COL16A1: variants seen among roughly 807,000 people sequenced by gnomAD.
COL16A1 encodes collagen alpha-1(XVI) chain.
Under a neutral mutation model 266.3 loss-of-function variants are expected in COL16A1, and 189 were observed. That is an observed-to-expected ratio of 0.71 (90% confidence interval 0.63 to 0.80). The LOEUF (loss-of-function observed/expected upper bound fraction) is 0.80, where lower values mean the gene tolerates loss of function less well. Ranked by LOEUF, COL16A1 falls within the 30% of genes least tolerant of loss-of-function variation. The pLI is 0.00. For missense variants in COL16A1, 1,928 were observed against 2,122.4 expected, an observed-to-expected ratio of 0.91 and a Z score of 1.80; for synonymous variants, 740 against 782.3, an observed-to-expected ratio of 0.95 and a Z score of 0.90.
chr1:31,680,441 G>A (rs1294147617), intron 39 of COL16A1, among the ~76,000 whole-genome samples: 1 of 152,088 alleles, frequency 6.6e-6, no homozygotes, highest in African/African-American at 2.4e-5. Context: ...AGGTAATCTC[G>A]CTTTCAGTAC....
intron 34 of COL16A1, 130 bp from the exon 35 acceptor site, chr1:31,683,499 G>A: frequency 6.3e-7 from 1 of 1,583,964 alleles, no homozygotes; most frequent in Non-Finnish European, 8.6e-7. Context: ...TCCCCAAGGA[G>A]ACCCTGAGGG....
At chr1:31,678,890 A>T (rs995849272) in intron 42 of COL16A1, among the ~76,000 whole-genome samples, 4 of 152,172 alleles carry the variant, frequency 2.6e-5, no homozygotes, top group Non-Finnish European at 5.9e-5. Context: ...TCACAGTGTC[A>T]CACAGATCTT....
At chr1:31,703,547 C>T (rs1376958216) in intron 1 of COL16A1, among the ~76,000 whole-genome samples, 1 of 152,176 alleles carries the variant, frequency 6.6e-6, no homozygotes, top group Non-Finnish European at 1.5e-5. Context: ...GTGATCCTGT[C>T]CCCTTCCGGC....
chr1:31,662,674 G>GGGCCCC lies in COL16A1; in HGVS notation c.3556-17_3556-16insGGGGCC. 1.3e-5 allele frequency: 16 copies of GGGCCCC among 1,263,584 alleles called. No individual in the cohort carries two copies. The highest frequency in any genetic ancestry group is 8.7e-5 in the East Asian group (3 of 34,344). 78.3% of individuals were successfully genotyped at this position (1,263,584 alleles called of 1,614,324 possible). ...CTTCGCTGCCCTGGAAACCAGCGCCGCCCCCCCCCCCCGCCCCACAATAAA... is the reference window on the plus strand; with the variant it reads ...CTTCGCTGCCCTGGAAACCAGCGCCGGGCCCCCCCCCCCCCCCCGCCCCACAATAAA... On this transcript the variant is annotated splice_polypyrimidine_tract_variant and intron_variant, in intron 56 of 70. Transcript: ENST00000373672.
chr1:31,652,885 A>G lies in COL16A1; in HGVS notation c.4613-32T>C. ...AGGGAAGGGCCACAGAGGGAAAATC[A>G]GAAGACCCAGATCATAAGGGAAAAG... is the stretch of plus-strand genomic sequence containing the variant. On this transcript the variant is annotated intron_variant, in intron 70 of 70. Coordinates refer to ENST00000373672, the MANE Select transcript of COL16A1 (RefSeq NM_001856.4). This position sits in a 1 kb window ranked among gnomAD's most constrained non-coding sequence, Gnocchi z 4.8. The G allele has an allele frequency of 6.9e-7, 1 of 1,454,416 alleles. No individual in the cohort carries two copies. Among genetic ancestry groups the G allele is most frequent in the Non-Finnish European group, 9.1e-7 (1 of 1,102,146 alleles). The allele number at this position is 1,454,416 out of a possible 1,614,324, so 90.1% of individuals were successfully genotyped here. A position where few individuals can be genotyped will look rare whatever the true frequency, so the allele number is the denominator to read the frequency against.
chr1:31,698,821 C>T lies in COL16A1; in HGVS notation c.267-215G>A, dbSNP rs971264747. Reference sequence around the variant, plus strand: ...GAATAACAGTGGTGAAGGCTGGGTGCGGTGGCTCATGCCTGTAATCCCAGC... The same window carrying T: ...GAATAACAGTGGTGAAGGCTGGGTGTGGTGGCTCATGCCTGTAATCCCAGC... On this transcript the variant is annotated intron_variant, in intron 4 of 70. Transcript: ENST00000373672. This position sits in a 1 kb window ranked among gnomAD's most constrained non-coding sequence, Gnocchi z 4.1. Among the ~76,000 whole-genome samples the T allele has an allele frequency of 6.6e-6, 1 of 152,126 alleles. No individual in the cohort carries two copies. The highest frequency in any genetic ancestry group is 6.5e-5 in the Admixed American group (1 of 15,270).
chr1:31,656,468 G>A lies in COL16A1; in HGVS notation c.4057-24C>T. 1 of 1,610,412 alleles carries A rather than the reference G, an allele frequency of 6.2e-7. No homozygotes were observed. The highest frequency in any genetic ancestry group is 8.5e-7 in the Non-Finnish European group (1 of 1,178,666). On this transcript the variant is annotated intron_variant, in intron 65 of 70. Coordinates refer to ENST00000373672, the MANE Select transcript of COL16A1 (RefSeq NM_001856.4). This position sits in a 1 kb window ranked among gnomAD's most constrained non-coding sequence, Gnocchi z 4.2. ...CCCTAGAGGAAAGCAAAAGTCAGAG[G>A]TGAAGTCCGGGCAGCATCTCTGAGG... is the stretch of plus-strand genomic sequence containing the variant.
rs1281893323 is a variant in COL16A1 at position 31,690,518 on chromosome 1, G to A, written c.1482+11C>T. On this transcript the variant is annotated intron_variant, in intron 21 of 70. Transcript: ENST00000373672. Reference sequence around the variant, plus strand: ...GAGCCGACCCTCCCCCGCTGGATTGGTGTCACTCACAGGTTTCCCACCAGG... The same window carrying A: ...GAGCCGACCCTCCCCCGCTGGATTGATGTCACTCACAGGTTTCCCACCAGG... 8.7e-6 allele frequency: 14 copies of A among 1,613,884 alleles called. No individual in the cohort carries two copies. The highest frequency in any genetic ancestry group is 1.2e-5 in the Non-Finnish European group (14 of 1,179,932).
Position 31,655,197 on chromosome 1 carries a change from A to G in COL16A1, c.4290+117T>C, listed in dbSNP as rs373154279. 17 of 1,470,510 alleles carry G rather than the reference A, an allele frequency of 1.2e-5. No homozygotes were observed. In the East Asian group the frequency reaches 3.1e-4, roughly 27 times the overall value. 91.1% of individuals were successfully genotyped at this position (1,470,510 alleles called of 1,614,324 possible). ...CGCACACAGTTAAGAGCTGCCCTCTATGGGAGCCAGGCTCTTTCCCACAGA... is the reference window on the plus strand; with the variant it reads ...CGCACACAGTTAAGAGCTGCCCTCTGTGGGAGCCAGGCTCTTTCCCACAGA... On this transcript the variant is annotated intron_variant, in intron 67 of 70. Transcript: ENST00000373672.
intron 13 of COL16A1, 85 bp downstream of exon 13, chr1:31,693,007 G>T: frequency 9.7e-7 from 1 of 1,025,864 alleles, no homozygotes; most frequent in Non-Finnish European, 1.5e-6. Flanking sequence ...TTTCTGCCGG[G>T]ATGATGGGAT....
At position 31,674,717 on chromosome 1, in the gene COL16A1, G is replaced by A. The variant is rs117201983; in HGVS notation, c.2859+290C>T. The stretch of plus-strand genomic sequence containing the variant: ...CGCAGGGTGACCCGGGTGCTACGGG[G>A]TCTCATTGCCAGCTGCTGCGGGCAG... On this transcript the variant is annotated intron_variant, in intron 44 of 70. Transcript: ENST00000373672. Among the ~76,000 whole-genome samples the A allele has an allele frequency of 2.5e-3, 375 of 152,312 alleles. 9 individuals carry two copies. In the East Asian group the frequency reaches 0.063, roughly 26 times the overall value.
rs1484301225 is a variant in COL16A1 at position 31,695,782 on chromosome 1, A to G, written c.924T>C (p.His308=). ...TTACCTCATCGGCTGCTGTCTCCTG[A>G]TGGACCTGAGGAAAGGGTGGGGGGT... ...SQKAERGAKV[H]QETAADECPP... is the part of the protein sequence containing the mutation. The change falls in exon 10 of 71, where the codon CAT becomes CAC. Residue 308 remains histidine, a synonymous_variant. Transcript: ENST00000373672. 28 of 1,610,242 alleles carry G rather than the reference A, an allele frequency of 1.7e-5. No homozygotes were observed. The highest frequency in any genetic ancestry group is 2.2e-5 in the Non-Finnish European group (26 of 1,177,000).
rs1209818020 is a variant in COL16A1 at position 31,665,606 on chromosome 1, G to A, written c.3469C>T (p.Gln1157Ter). 6.2e-7 allele frequency: 1 copy of A among 1,613,830 alleles called. No individual in the cohort carries two copies. The highest frequency in any genetic ancestry group is 1.3e-5 in the African/African-American group (1 of 74,882). Reference sequence around the variant, plus strand: ...ACCGGTGGGCCCGGAAAGCCTGGCTGGCCTTGAAATCCCTAGGGTGAGAAG... The same window carrying A: ...ACCGGTGGGCCCGGAAAGCCTGGCTAGCCTTGAAATCCCTAGGGTGAGAAG... ...GEKGDQGFQG[Q>*]PGFPGPPGPP... is the part of the protein sequence containing the mutation. Residue 1157 changes from glutamine (Q) to a stop codon, truncating the protein, a stop_gained, in exon 55 of 71, where the codon CAG becomes TAG. Transcript: ENST00000373672. LOFTEE classifies it high-confidence loss of function.
At chr1:31,658,805 G>A (rs1254806959) in intron 63 of COL16A1, 109 bp downstream of exon 63, 1 of 1,324,268 alleles carries the variant, frequency 7.6e-7, no homozygotes, top group Admixed American at 2.0e-5. Context: ...CAGGGAAGGA[G>A]GGGATGAGAC....
At chr1:31,702,253 C>T (rs957638822) in intron 1 of COL16A1, 26 bp from the exon 2 acceptor site, 23 of 1,610,402 alleles carry the variant, frequency 1.4e-5, no homozygotes, top group Admixed American at 1.2e-4. Context: ...ACCGGGAAGG[C>T]GGATTTCTGA....
chr1:31,661,351 G>T, intron 60 of COL16A1, 63 bp downstream of exon 60: 1 of 1,611,144 alleles, frequency 6.2e-7, no homozygotes, highest in Non-Finnish European at 8.5e-7. Flanking sequence ...TGCCATGTAT[G>T]CCTGGGGGCA....
intron 11 of COL16A1, among the ~76,000 whole-genome samples, chr1:31,694,897 G>A (rs1644427000): frequency 6.6e-6 from 1 of 152,200 alleles, no homozygotes; most frequent in Non-Finnish European, 1.5e-5. Context: ...GTGCAAAGCT[G>A]CGATCAGCAA....
Position 31,653,664 on chromosome 1 carries a change from G to A in COL16A1, c.4547C>T (p.Thr1516Ile), listed in dbSNP as rs186607247. 1.3e-4 allele frequency: 203 copies of A among 1,613,032 alleles called. No homozygotes were observed. The African/African-American group carries it at 2.5e-3, about 20-fold the overall frequency. Residue 1516 changes from threonine (T) to isoleucine (I), a missense_variant, in exon 70 of 71, where the codon ACC (threonine) becomes ATC (isoleucine). Around this residue, in one of 2 missense-constraint regions of COL16A1, gnomAD observed 376 missense variants for 485.2 expected, o/e 0.77. Coordinates refer to ENST00000373672, the MANE Select transcript of COL16A1 (RefSeq NM_001856.4). ...GLPGVRGLPG[T>I]KGEKGDIGIG... ...ACCAATGTCCCCTTTTTCACCTTTG[G>A]TACCAGGCAATCCTGGAACAAAAGA...
chr1:31,683,811 C>A, intron 33 of COL16A1, 63 bp from the exon 34 acceptor site: 2 of 1,612,280 alleles, frequency 1.2e-6, no homozygotes, highest in Non-Finnish European at 1.7e-6. Context: ...CCCTTCTCCC[C>A]AGCCCCTTCT....
Sources: gnomAD v4.1 joint callset for allele counts (sites outside exome capture counted in the v4.1 genomes callset) on GRCh38, gnomAD v4.1.1 for gene constraint, gnomAD v4.1.1 regional missense constraint, Gnocchi (gnomAD v3.1) non-coding constraint, MANE v1.5 for transcripts, NCBI Gene and HGNC (gene_info 2026-07-23, HGNC 2026-07-21) for gene names.